PTPRG: variants seen among roughly 807,000 people sequenced by gnomAD.
PTPRG encodes the protein protein tyrosine phosphatase receptor type G, also known as receptor-type tyrosine-protein phosphatase gamma.
A neutral mutation model predicts 165.3 loss-of-function variants in PTPRG; 102 were observed. The ratio of observed to expected loss-of-function variants is 0.62; its 90% CI spans 0.53 to 0.73. The LOEUF (loss-of-function observed/expected upper bound fraction) is 0.73, where lower values mean the gene tolerates loss of function less well. Ranked by LOEUF, PTPRG falls within the 30% of genes least tolerant of loss-of-function variation. PTPRG has a pLI of 0.00. For missense variants in PTPRG, 1,866 were observed against 1,861.4 expected (o/e 1.00, Z -0.05); for synonymous variants, 675 against 669.5 (o/e 1.01, Z -0.13).
At chr3:61,989,921 T>A in intron 3 of PTPRG, 117 bp downstream of exon 3, 2 of 1,091,820 alleles carry the variant, frequency 1.8e-6, no homozygotes, top group Non-Finnish European at 2.6e-6. Flanking sequence ...GTGGGGAGCC[T>A]AAATCAGTCC....
chr3:61,705,359 A>G (rs1295849002), intron 1 of PTPRG, among the ~76,000 whole-genome samples: 1 of 152,106 alleles, frequency 6.6e-6, no homozygotes, highest in East Asian at 1.9e-4. Flanking sequence ...GAATGGGTAG[A>G]TTCTGATTCT....
chr3:62,085,688 T>C (rs1000743986), intron 5 of PTPRG, among the ~76,000 whole-genome samples: 1 of 152,188 alleles, frequency 6.6e-6, no homozygotes, highest in African/African-American at 2.4e-5. Flanking sequence ...TTTACATGTC[T>C]ATGTTTTTCT....
At chr3:62,204,853 C>A (rs1700188431) in intron 12 of PTPRG, among the ~76,000 whole-genome samples, 1 of 152,122 alleles carries the variant, frequency 6.6e-6, no homozygotes, top group Non-Finnish European at 1.5e-5. Context: ...TCTTAATGAA[C>A]CATCCTGATA....
At chr3:61,750,835 C>G (rs1177442700) in intron 2 of PTPRG, 1 of 152,158 alleles carries the variant, frequency 6.6e-6, no homozygotes, top group Non-Finnish European at 1.5e-5. Flanking sequence ...ACAAACCATT[C>G]TTGCTTTGCA....
intron 2 of PTPRG, among the ~76,000 whole-genome samples, chr3:61,870,638 C>A (rs1472045172): frequency 6.7e-6 from 1 of 150,342 alleles, no homozygotes; most frequent in African/African-American, 2.5e-5. Context: ...ACCTCAGCCT[C>A]CCAAAGTGCT....
intron 2 of PTPRG, among the ~76,000 whole-genome samples, chr3:61,837,954 A>G (rs1344602897): frequency 6.6e-6 from 1 of 152,178 alleles, no homozygotes; most frequent in Non-Finnish European, 1.5e-5. Context: ...TTACAGGGAC[A>G]TCAGCCTTAA....
chr3:61,680,246 A>G (rs561524681), intron 1 of PTPRG, among the ~76,000 whole-genome samples: 1 of 152,218 alleles, frequency 6.6e-6, no homozygotes, highest in South Asian at 2.1e-4. Context: ...CCCTGTCCAG[A>G]CAGTTAATTG....
At chr3:61,925,826 C>A in intron 2 of PTPRG, 1 of 466,748 alleles carries the variant, frequency 2.1e-6, no homozygotes, top group South Asian at 1.5e-5. Flanking sequence ...GATTAGGATT[C>A]TTATAACTGG....
At chr3:62,060,642 T>TTTG (rs138425458) in intron 4 of PTPRG, among the ~76,000 whole-genome samples, 3,614 of 152,296 alleles carry the variant, frequency 0.024, 127 homozygotes, top group African/African-American at 0.083. Flanking sequence ...TTAGTCTTTC[T>TTTG]TTGTTGTTGT....
chr3:62,286,598 T>C (rs1304113345), intron 28 of PTPRG, among the ~76,000 whole-genome samples: 2 of 152,082 alleles, frequency 1.3e-5, no homozygotes, highest in African/African-American at 4.8e-5. Context: ...GAGCTTAAAG[T>C]ACTTTCATTT....
intron 5 of PTPRG, among the ~76,000 whole-genome samples, chr3:62,121,069 C>A (rs963967371): frequency 6.6e-6 from 1 of 151,154 alleles, no homozygotes; most frequent in Non-Finnish European, 1.5e-5. Flanking sequence ...CTCAGCCTCC[C>A]GAGTAGCTGG....
At chr3:62,101,636 T>C (rs1467259936) in intron 5 of PTPRG, among the ~76,000 whole-genome samples, 1 of 152,246 alleles carries the variant, frequency 6.6e-6, no homozygotes, top group East Asian at 1.9e-4. Flanking sequence ...GGAGCACTTT[T>C]CTTTCATCGT....
intron 5 of PTPRG, among the ~76,000 whole-genome samples, chr3:62,088,929 C>T (rs150311414): frequency 2.4e-4 from 37 of 152,306 alleles, no homozygotes; most frequent in African/African-American, 8.4e-4. Flanking sequence ...ACTATCTGGC[C>T]ATCTAGGCAT....
intron 6 of PTPRG, among the ~76,000 whole-genome samples, chr3:62,146,037 G>A (rs138070598): frequency 0.012 from 1,758 of 152,272 alleles, 16 homozygotes; most frequent in Middle Eastern, 0.034. Flanking sequence ...TGTACACGTC[G>A]TGTCAGTTAT....
chr3:61,680,863 C>T (rs1322222804), intron 1 of PTPRG, among the ~76,000 whole-genome samples: 1 of 125,980 alleles, frequency 7.9e-6, no homozygotes, highest in Non-Finnish European at 1.8e-5. Flanking sequence ...TGTTGGGAAC[C>T]TGTATATGGC....
At chr3:61,591,520 G>T (rs1332440822) in intron 1 of PTPRG, among the ~76,000 whole-genome samples, 1 of 152,168 alleles carries the variant, frequency 6.6e-6, no homozygotes, top group African/African-American at 2.4e-5. Flanking sequence ...AGATGTAATT[G>T]CCTTAATGCT....
At chr3:61,879,356 CTT>C (rs1272115768) in intron 2 of PTPRG, among the ~76,000 whole-genome samples, 1 of 152,176 alleles carries the variant, frequency 6.6e-6, no homozygotes, top group African/African-American at 2.4e-5. Flanking sequence ...ACATGGGAGT[CTT>C]TTCCCATTTA....
At chr3:62,211,744 C>T (rs986383344) in intron 12 of PTPRG, among the ~76,000 whole-genome samples, 3 of 152,038 alleles carry the variant, frequency 2.0e-5, no homozygotes, top group African/African-American at 7.2e-5. Context: ...GTCTTGACAC[C>T]AGAGCGGTTC....
At chr3:61,799,954 T>C (rs1431157240) in intron 2 of PTPRG, among the ~76,000 whole-genome samples, 1 of 152,210 alleles carries the variant, frequency 6.6e-6, no homozygotes, top group Non-Finnish European at 1.5e-5. Context: ...AAAGCCAGAC[T>C]AGGGTGGGTG....
Sources: allele counts gnomAD v4.1 joint callset (sites outside exome capture counted in the v4.1 genomes callset), GRCh38; gene constraint gnomAD v4.1.1; transcripts MANE v1.5; gene names NCBI Gene and HGNC (gene_info 2026-07-23, HGNC 2026-07-21).